LPA: variants seen among roughly 807,000 people sequenced by gnomAD.
LPA encodes apolipoprotein(a).
LPA carries 199 observed loss-of-function variants against 197.9 expected under a neutral mutation model. That is an observed-to-expected ratio of 1.01 (90% confidence interval 0.90 to 1.13). The LOEUF is 1.13. LPA is among the 50% of genes most tolerant of loss of function. LPA has a pLI of 0.00. For missense variants in LPA, 1,853 were observed against 1,785.8 expected (o/e 1.04, Z -0.68); for synonymous variants, 715 against 639.5 (o/e 1.12, Z -1.78).
chr6:160,561,933 T>A (rs901265795), intron 28 of LPA, among the ~76,000 whole-genome samples: 2 of 152,236 alleles, frequency 1.3e-5, no homozygotes, highest in African/African-American at 4.8e-5. Context: ...CCTGAGACTT[T>A]GCTGAAGTTG....
At chr6:160,574,937 C>T (rs906482635) in intron 28 of LPA, among the ~76,000 whole-genome samples, 5 of 152,136 alleles carry the variant, frequency 3.3e-5, no homozygotes, top group Non-Finnish European at 7.4e-5. Context: ...TCCCTCACCT[C>T]TTGGGTTTTT....
chr6:160,652,526 G>A (rs761615548), intron 1 of LPA, among the ~76,000 whole-genome samples: 7 of 152,084 alleles, frequency 4.6e-5, no homozygotes, highest in Non-Finnish European at 7.4e-5. Context: ...CAGCAGTCCC[G>A]TGCTATAAGA....
intron 21 of LPA, among the ~76,000 whole-genome samples, chr6:160,594,901 A>G (rs1400220200): frequency 6.6e-6 from 1 of 152,168 alleles, no homozygotes; most frequent in East Asian, 1.9e-4. Flanking sequence ...GGAACTAAGA[A>G]AAGTCATATT....
chr6:160,581,434 G>A (rs1778800032), intron 26 of LPA, among the ~76,000 whole-genome samples: 1 of 151,924 alleles, frequency 6.6e-6, no homozygotes, highest in South Asian at 2.1e-4. Flanking sequence ...TGAATAGCTG[G>A]GACTACAGGC....
intron 26 of LPA, among the ~76,000 whole-genome samples, chr6:160,579,284 C>T (rs1778745584): frequency 6.6e-6 from 1 of 152,064 alleles, no homozygotes; most frequent in Non-Finnish European, 1.5e-5. Context: ...AATAGTATTA[C>T]TATAAATACT....
At chr6:160,587,607 G>A (rs1015466796) in intron 24 of LPA, among the ~76,000 whole-genome samples, 22 of 152,016 alleles carry the variant, frequency 1.4e-4, no homozygotes, top group Admixed American at 9.8e-4. Context: ...TATATTTGGC[G>A]TGTTGCGAGC....
chr6:160,566,749 C>T (rs1007678023), intron 28 of LPA, among the ~76,000 whole-genome samples: 4 of 152,148 alleles, frequency 2.6e-5, no homozygotes, highest in Admixed American at 6.5e-5. Flanking sequence ...GAAGACACAT[C>T]TCACGTGCAG....
intron 28 of LPA, among the ~76,000 whole-genome samples, chr6:160,567,839 A>G (rs1450671540): frequency 1.3e-5 from 2 of 152,214 alleles, no homozygotes; most frequent in Non-Finnish European, 2.9e-5. Context: ...CAGAAATACA[A>G]ACTACCATCA....
intron 26 of LPA, among the ~76,000 whole-genome samples, chr6:160,581,455 A>C (rs1436433674): frequency 6.6e-6 from 1 of 151,986 alleles, no homozygotes; most frequent in Non-Finnish European, 1.5e-5. Flanking sequence ...ACATGGCACC[A>C]AACCTGGCTA....
intron 24 of LPA, among the ~76,000 whole-genome samples, chr6:160,587,602 T>G (rs1230747740): frequency 1.3e-5 from 2 of 152,198 alleles, no homozygotes; most frequent in African/African-American, 4.8e-5. Flanking sequence ...TTCTGTATAT[T>G]TGGCGTGTTG....
At chr6:160,603,284 A>G (rs1255441317) in intron 18 of LPA, among the ~76,000 whole-genome samples, 1 of 145,694 alleles carries the variant, frequency 6.9e-6, no homozygotes, top group African/African-American at 2.5e-5. Flanking sequence ...AAGCCTGTGC[A>G]TGTGTGAGTA....
chr6:160,585,726 GAGA>G lies in LPA; in HGVS notation c.4130-524_4130-522del, dbSNP rs2115038917. On this transcript the variant is annotated intron_variant, in intron 25 of 38. Transcript: ENST00000316300. ...AGGTAAAGACACATTGCCTCTCAGG[GAGA>G]AGGAGTACAGGCCAAAATTTTATAG... is the stretch of plus-strand genomic sequence containing the variant. 2.0e-5 allele frequency among the ~76,000 whole-genome samples: 3 copies of G among 152,226 alleles called. No homozygotes were observed. In the South Asian group the frequency reaches 6.2e-4, roughly 32 times the overall value.
Position 160,606,860 on chromosome 6 carries a change from T to G in LPA, c.2604-202A>C, listed in dbSNP as rs1002436371. On this transcript the variant is annotated intron_variant, in intron 16 of 38. Coordinates refer to ENST00000316300, the MANE Select transcript of LPA (RefSeq NM_005577.4). ...ATTTCTCATACTTAAAAGATTATTA[T>G]TATAAAAAAAAATCTAAAGTAGCAA... 3.9e-5 allele frequency among the ~76,000 whole-genome samples: 6 copies of G among 152,010 alleles called. No individual in the cohort carries two copies. The East Asian group carries it at 9.6e-4, about 24-fold the overall frequency.
chr6:160,576,173 T>G (rs1385691114), intron 28 of LPA, among the ~76,000 whole-genome samples: 2 of 151,718 alleles, frequency 1.3e-5, no homozygotes, highest in East Asian at 3.9e-4. Context: ...ACCTGCTTTT[T>G]GTCCATGTAC....
intron 16 of LPA, 113 bp from the exon 17 acceptor site, chr6:160,606,771 C>G: frequency 6.7e-7 from 1 of 1,485,720 alleles, no homozygotes; most frequent in Non-Finnish European, 9.4e-7. Context: ...TCTAATATTC[C>G]CATAAAAGTA....
intron 19 of LPA, 143 bp from the exon 20 acceptor site, chr6:160,599,802 A>G: frequency 1.2e-6 from 1 of 842,044 alleles, no homozygotes; most frequent in Non-Finnish European, 1.9e-6. Flanking sequence ...TGGACATGAG[A>G]AAACACACAA....
At chr6:160,558,801 T>G (rs1201195617) in intron 28 of LPA, among the ~76,000 whole-genome samples, 1 of 152,106 alleles carries the variant, frequency 6.6e-6, no homozygotes, top group Non-Finnish European at 1.5e-5. Context: ...CATTCATGCC[T>G]CCTAGGAACG....
chr6:160,549,686 A>G (rs1471933795), intron 30 of LPA, among the ~76,000 whole-genome samples: 1 of 152,226 alleles, frequency 6.6e-6, no homozygotes, highest in Non-Finnish European at 1.5e-5. Context: ...AAAGACTTAT[A>G]AAAGCTGACC....
In LPA at chr6:160,589,554, C is replaced by T; in HGVS notation, c.3946G>A (p.Gly1316Ser). 1 of 1,613,516 alleles carries T rather than the reference C, an allele frequency of 6.2e-7. No homozygotes were observed. Among genetic ancestry groups the T allele is most frequent in the Non-Finnish European group, 8.5e-7 (1 of 1,179,768 alleles). ...TTGGGAGAAAACTCAAAGACATACC[C>T]ATTTGGGTAGTATTCTGTGGTTCTC... ...HQRTTEYYPN[G>S]GLTRNYCRNP... is the part of the protein sequence containing the mutation. The change falls in exon 24 of 39, where the codon GGT (glycine) becomes AGT (serine). Residue 1316 changes from glycine (G) to serine (S), a missense_variant and splice_region_variant. By Grantham distance (56) the Gly-to-Ser change is moderately conservative. Transcript: ENST00000316300.
Sources: gnomAD v4.1 joint callset for allele counts (sites outside exome capture counted in the v4.1 genomes callset) on GRCh38, gnomAD v4.1.1 for gene constraint, MANE v1.5 for transcripts, NCBI Gene and HGNC (gene_info 2026-07-23, HGNC 2026-07-21) for gene names.